Variants in ZNF620 observed in about 807,000 individuals in gnomAD.
ZNF620 encodes the protein zinc finger protein 620.
Under a neutral mutation model 13.3 loss-of-function variants are expected in ZNF620, and 10 were observed. The ratio of observed to expected loss-of-function variants is 0.75; its 90% CI spans 0.46 to 1.28. The LOEUF (loss-of-function observed/expected upper bound fraction) is 1.28. ZNF620 is among the 50% of genes most tolerant of loss of function. ZNF620 has a pLI of 0.00. For missense variants in ZNF620, 461 were observed against 500.2 expected (o/e 0.92, Z 0.75); for synonymous variants, 166 against 177.6 (o/e 0.93, Z 0.52).
In ZNF620 at chr3:40,516,286, A is replaced by G. The variant is rs2125664887; in HGVS notation, c.692A>G (p.Lys231Arg). ...EKSFECKECGKYFRYNSLLIR... is the reference protein window; with the variant it reads ...EKSFECKECGRYFRYNSLLIR... ...TCTTTTGAATGCAAAGAATGTGGAA[A>G]ATACTTCAGATATAACTCATTACTT... The change falls in exon 5 of 5, where the codon AAA (lysine) becomes AGA (arginine). Residue 231 changes from lysine to arginine, a missense_variant. Lys to Arg is a conservative substitution (Grantham distance 26). Coordinates refer to ENST00000314529, the MANE Select transcript of ZNF620 (RefSeq NM_175888.4). The G allele has an allele frequency of 6.2e-7, 1 of 1,614,200 alleles. No individual in the cohort carries two copies. The highest frequency in any genetic ancestry group is 8.5e-7 in the Non-Finnish European group (1 of 1,180,048).
At chr3:40,514,762 ACT>A (rs1410064263) in intron 4 of ZNF620, among the ~76,000 whole-genome samples, 2 of 151,964 alleles carry the variant, frequency 1.3e-5, no homozygotes, top group Non-Finnish European at 2.9e-5. Flanking sequence ...ACACAGCGAG[ACT>A]CTATCTCAAA....
At position 40,515,940 on chromosome 3, in the gene ZNF620, G is replaced by A; in HGVS notation, c.346G>A (p.Val116Met). The change falls in exon 5 of 5, where the codon GTG becomes ATG. Residue 116 changes from valine (V) to methionine (M), a missense_variant. Physicochemically the swap from Val to Met is conservative, Grantham distance 21. Coordinates refer to ENST00000314529, the MANE Select transcript of ZNF620 (RefSeq NM_175888.4). Reference sequence around the variant, plus strand: ...AGAAACAGAGTCCTTCAGACTGATGGTGGGGGGCCTGCCAGGGAATGTTTC... The same window carrying A: ...AGAAACAGAGTCCTTCAGACTGATGATGGGGGGCCTGCCAGGGAATGTTTC... ...SKETESFRLM[V>M]GGLPGNVSQH... 1 of 1,614,128 alleles carries A rather than the reference G, an allele frequency of 6.2e-7. No homozygotes were observed. The highest frequency in any genetic ancestry group is 8.5e-7 in the Non-Finnish European group (1 of 1,180,018).
chr3:40,512,618 G>A (rs1698235858), intron 4 of ZNF620, 103 bp downstream of exon 4: 1 of 835,514 alleles, frequency 1.2e-6, no homozygotes, highest in Non-Finnish European at 1.8e-6. Flanking sequence ...GACTGTTTTT[G>A]TTCCTGTGGA....
intron 3 of ZNF620, 67 bp downstream of exon 3, chr3:40,511,663 C>G: frequency 3.9e-6 from 6 of 1,558,432 alleles, no homozygotes; most frequent in Non-Finnish European, 5.2e-6. Flanking sequence ...TTCCTTAGAA[C>G]TTTGTGGGGT....
chr3:40,508,844 C>G, intron 2 of ZNF620: 2 of 454,444 alleles, frequency 4.4e-6, no homozygotes, highest in Non-Finnish European at 8.9e-6. Context: ...TCTCAAACTC[C>G]TAGATGCAAG....
At chr3:40,514,393 C>G (rs528441542) in intron 4 of ZNF620, among the ~76,000 whole-genome samples, 1 of 152,254 alleles carries the variant, frequency 6.6e-6, no homozygotes, top group African/African-American at 2.4e-5. Context: ...TAATCAATAA[C>G]AGCACGGCCA....
intron 4 of ZNF620, 25 bp downstream of exon 4, chr3:40,512,540 C>A: frequency 1.3e-6 from 2 of 1,532,046 alleles, no homozygotes; most frequent in South Asian, 2.4e-5. Flanking sequence ...CCACTAGCTG[C>A]CTTTTTGGCT....
In ZNF620 at chr3:40,518,105, C is replaced by T. The variant is rs1322659090; in HGVS notation, c.*1242C>T. The T allele has an allele frequency of 6.6e-6, 1 of 152,212 alleles. No homozygotes were observed. Among genetic ancestry groups the T allele is most frequent in the Non-Finnish European group, 1.5e-5 (1 of 68,036 alleles). The allele number at this position is 152,212 out of a possible 1,614,324, so 9.4% of individuals were successfully genotyped here. ...AAGCAGGCAGCATTTTCTTGCAATT[C>T]CATCTAGTTATTTTTTATGATCATG... On this transcript the variant is annotated 3_prime_UTR_variant, in exon 5 of 5. Coordinates refer to ENST00000314529, the MANE Select transcript of ZNF620 (RefSeq NM_175888.4).
At chr3:40,514,723 G>C (rs1698318722) in intron 4 of ZNF620, among the ~76,000 whole-genome samples, 1 of 152,114 alleles carries the variant, frequency 6.6e-6, no homozygotes, top group Non-Finnish European at 1.5e-5. Flanking sequence ...AGTGAGCCAA[G>C]ATTGCACCAC....
chr3:40,516,482 C>T lies in ZNF620; in HGVS notation c.888C>T (p.Leu296=), dbSNP rs2125665303. The T allele has an allele frequency of 1.2e-6, 2 of 1,613,964 alleles. No individual in the cohort carries two copies. The highest frequency in any genetic ancestry group is 1.7e-6 in the Non-Finnish European group (2 of 1,179,894). The part of the protein sequence containing the change: ...GKAFSSSSVF[L]QHQRFHTGEK... ...CCTTCAGTAGCAGCTCTGTCTTCCT[C>T]CAGCACCAGAGGTTCCACACTGGGG... is the stretch of plus-strand genomic sequence containing the variant. The change falls in exon 5 of 5, where the codon CTC becomes CTT. Residue 296 remains leucine (L), a synonymous_variant. Transcript: ENST00000314529.
At chr3:40,510,079 A>G (rs919088938) in intron 2 of ZNF620, among the ~76,000 whole-genome samples, 4 of 151,382 alleles carry the variant, frequency 2.6e-5, no homozygotes, top group Admixed American at 2.0e-4. Context: ...AGAGTACAGT[A>G]GCACGATCAC....
rs1698008602 is a variant in ZNF620 at position 40,506,155 on chromosome 3, C to T, written c.-50+17C>T. 7.4e-6 allele frequency: 5 copies of T among 675,458 alleles called. No homozygotes were observed. The highest frequency in any genetic ancestry group is 2.2e-5 in the Admixed American group (1 of 45,094). 41.8% of individuals were successfully genotyped at this position (675,458 alleles called of 1,614,324 possible). A position where few individuals can be genotyped will look rare whatever the true frequency, so the allele number is the denominator to read the frequency against. On this transcript the variant is annotated intron_variant, in intron 1 of 4. Coordinates refer to ENST00000314529, the MANE Select transcript of ZNF620 (RefSeq NM_175888.4). The stretch of plus-strand genomic sequence containing the variant: ...GCGGTCCGGGTAACTGATTGGTTTT[C>T]CTGGGGCTTGTTCTGCCTGGTTTTG...
Position 40,518,241 on chromosome 3 carries a change from A to G in ZNF620, c.*1378A>G, listed in dbSNP as rs900366071. ...CTTGATTTTGCAGGAAGCAGAGAGT[A>G]GTGATTAATAATACAGAGCCAGGCA... is the stretch of plus-strand genomic sequence containing the variant. On this transcript the variant is annotated 3_prime_UTR_variant, in exon 5 of 5. Coordinates refer to ENST00000314529, the MANE Select transcript of ZNF620 (RefSeq NM_175888.4). The G allele has an allele frequency of 1.3e-5, 2 of 152,234 alleles. No individual in the cohort carries two copies. Among genetic ancestry groups the G allele is most frequent in the Non-Finnish European group, 1.5e-5 (1 of 68,046 alleles). The allele number at this position is 152,234 out of a possible 1,614,324, so 9.4% of individuals were successfully genotyped here.
At chr3:40,508,302 T>G (rs372620537) in intron 2 of ZNF620, among the ~76,000 whole-genome samples, 2 of 152,176 alleles carry the variant, frequency 1.3e-5, no homozygotes, top group East Asian at 3.8e-4. Flanking sequence ...TTCTTTTTTT[T>G]TTGTTTTGTA....
chr3:40,512,572 C>T (rs1007875842), intron 4 of ZNF620, 57 bp downstream of exon 4: 12 of 1,240,268 alleles, frequency 9.7e-6, no homozygotes, highest in African/African-American at 1.5e-5. Flanking sequence ...CTTGTTTTCA[C>T]ATTTCATTGT....
chr3:40,513,314 A>ATATATAT (rs1559550809), intron 4 of ZNF620, among the ~76,000 whole-genome samples: 1 of 67,878 alleles, frequency 1.5e-5, no homozygotes, highest in Non-Finnish European at 2.7e-5. Flanking sequence ...AAAAAAAAAA[A>ATATATAT]AAATATATAT....
rs1698412116 is a variant in ZNF620 at position 40,516,996 on chromosome 3, C to A, written c.*133C>A. On this transcript the variant is annotated 3_prime_UTR_variant, in exon 5 of 5. Transcript: ENST00000314529. ...TGAACTCTTCTTTAAGTTTTTTGAA[C>A]CTGTTTCCCCAACATGAAGTCTCTT... 3.1e-6 allele frequency: 3 copies of A among 960,598 alleles called. No individual in the cohort carries two copies. The highest frequency in any genetic ancestry group is 2.6e-5 in the East Asian group (1 of 38,490). 59.5% of individuals were successfully genotyped at this position (960,598 alleles called of 1,614,324 possible).
At chr3:40,515,470 G>A (rs1698343035) in intron 4 of ZNF620, among the ~76,000 whole-genome samples, 1 of 152,118 alleles carries the variant, frequency 6.6e-6, no homozygotes, top group Non-Finnish European at 1.5e-5. Flanking sequence ...CTCTAATCTT[G>A]GGAGTCTTCC....
intron 4 of ZNF620, among the ~76,000 whole-genome samples, chr3:40,512,959 TAA>T (rs1476262832): frequency 6.6e-6 from 1 of 152,170 alleles, no homozygotes; most frequent in Admixed American, 6.5e-5. Context: ...ACTTAAAGAA[TAA>T]AAAGTTTGTT....
Sources: allele counts gnomAD v4.1 joint callset (sites outside exome capture counted in the v4.1 genomes callset), GRCh38; gene constraint gnomAD v4.1.1; transcripts MANE v1.5; gene names NCBI Gene and HGNC (gene_info 2026-07-23, HGNC 2026-07-21).